The following CDH2 variants were observed in gnomAD, a reference collection of about 807,000 sequenced individuals.
CDH2 encodes cadherin-2.
Under a neutral mutation model 92.0 loss-of-function variants are expected in CDH2, and 17 were observed. The observed-to-expected ratio is 0.18, with a 90% confidence interval of 0.13 to 0.28. The LOEUF (loss-of-function observed/expected upper bound fraction) is 0.28. CDH2 is among the 10% of genes least tolerant of loss of function. CDH2 has a pLI of 1.00. For synonymous variants in CDH2, 419 were observed against 415.9 expected (o/e 1.01, Z -0.09); for missense variants, 862 against 1,133.1 (o/e 0.76, Z 3.44).
intron 2 of CDH2, among the ~76,000 whole-genome samples, chr18:28,029,816 A>G (rs2013648380): frequency 6.6e-6 from 1 of 152,058 alleles, no homozygotes; most frequent in Non-Finnish European, 1.5e-5. Flanking sequence ...AAATGCTGCT[A>G]CACACTCTTA....
chr18:27,972,295 A>T (rs2011684815), intron 14 of CDH2, among the ~76,000 whole-genome samples: 1 of 152,198 alleles, frequency 6.6e-6, no homozygotes, highest in Non-Finnish European at 1.5e-5. Context: ...ACCAGTGGTC[A>T]TCTAATAAGC....
chr18:28,133,300 C>T (rs2015803227), intron 2 of CDH2, among the ~76,000 whole-genome samples: 1 of 152,042 alleles, frequency 6.6e-6, no homozygotes, highest in Non-Finnish European at 1.5e-5. Flanking sequence ...AAGAACTTGG[C>T]CGGCCGGGCG....
intron 1 of CDH2, among the ~76,000 whole-genome samples, chr18:28,164,411 T>C (rs572372587): frequency 2.6e-5 from 4 of 152,216 alleles, no homozygotes; most frequent in African/African-American, 7.2e-5. Context: ...ACTAAAAAAA[T>C]GAAAAGCTAC....
intron 2 of CDH2, among the ~76,000 whole-genome samples, chr18:28,043,890 A>ATTTTTTTTTTTTTTTTTTTTT (rs67532914): frequency 5.5e-5 from 5 of 91,454 alleles, no homozygotes; most frequent in Non-Finnish European, 8.7e-5. Flanking sequence ...AGAATCTCGG[A>ATTTTTTTTTTTTTTTTTTTTT]TTTTTTTTTT....
intron 2 of CDH2, among the ~76,000 whole-genome samples, chr18:28,058,335 CAGAG>C (rs944575245): frequency 6.6e-6 from 1 of 152,122 alleles, no homozygotes; most frequent in Non-Finnish European, 1.5e-5. Context: ...CAGAGAGAGA[CAGAG>C]AGAGAGACTG....
intron 13 of CDH2, among the ~76,000 whole-genome samples, chr18:27,983,835 C>T (rs906380525): frequency 1.1e-4 from 16 of 152,308 alleles, no homozygotes; most frequent in Admixed American, 3.3e-4. Flanking sequence ...ATAACATTGG[C>T]ATCTATGCCA....
chr18:28,097,788 T>G (rs2015161447), intron 2 of CDH2, among the ~76,000 whole-genome samples: 1 of 152,176 alleles, frequency 6.6e-6, no homozygotes, highest in Non-Finnish European at 1.5e-5. Context: ...CATTGCTACT[T>G]AAATGCATTA....
intron 2 of CDH2, among the ~76,000 whole-genome samples, chr18:28,137,128 G>C (rs1291919783): frequency 1.3e-5 from 2 of 152,146 alleles, no homozygotes; most frequent in African/African-American, 4.8e-5. Flanking sequence ...AATCTGATGA[G>C]TCCATATGTT....
chr18:28,138,557 ATTGT>A (rs888434104), intron 2 of CDH2, among the ~76,000 whole-genome samples: 1 of 152,078 alleles, frequency 6.6e-6, no homozygotes, highest in Non-Finnish European at 1.5e-5. Context: ...CACTGAAGAA[ATTGT>A]TTGATGTTTA....
At chr18:28,069,307 G>A (rs1309908647) in intron 2 of CDH2, among the ~76,000 whole-genome samples, 1 of 152,086 alleles carries the variant, frequency 6.6e-6, no homozygotes, top group Non-Finnish European at 1.5e-5. Flanking sequence ...AATCTAAAAA[G>A]GTCTATATGA....
intron 2 of CDH2, among the ~76,000 whole-genome samples, chr18:28,118,681 A>G (rs1423383246): frequency 6.6e-6 from 1 of 151,994 alleles, no homozygotes; most frequent in Non-Finnish European, 1.5e-5. Context: ...TTTAAGAATA[A>G]AAACAAAATA....
chr18:28,123,930 T>C (rs185888954), intron 2 of CDH2, among the ~76,000 whole-genome samples: 1 of 152,264 alleles, frequency 6.6e-6, no homozygotes, highest in East Asian at 1.9e-4. Flanking sequence ...AGTTACAGGA[T>C]GGCGGGAGGT....
chr18:28,003,027 G>T lies in CDH2; in HGVS notation c.990C>A (p.Ile330=), dbSNP rs1244259562. The T allele has an allele frequency of 2.5e-6, 4 of 1,614,014 alleles. No individual in the cohort carries two copies. In the East Asian group the frequency reaches 6.7e-5, roughly 27 times the overall value. The change falls in exon 7 of 16, where the codon ATC becomes ATA. Residue 330 remains isoleucine, a synonymous_variant. Coordinates refer to ENST00000269141, the MANE Select transcript of CDH2 (RefSeq NM_001792.5). ...MFTINNETGD[I]ITVAAGLDRE... ...GATCAAGTCCAGCTGCCACTGTGAT[G>T]ATGTCACCAGTCTCATTGTTGATTG...
chr18:28,165,408 T>C (rs773095139), intron 1 of CDH2, among the ~76,000 whole-genome samples: 2 of 152,120 alleles, frequency 1.3e-5, no homozygotes, highest in Non-Finnish European at 2.9e-5. Context: ...CCCAGGTTGT[T>C]CTCAAAGTCC....
chr18:28,157,101 G>C (rs201380820), intron 1 of CDH2, among the ~76,000 whole-genome samples: 1 of 152,302 alleles, frequency 6.6e-6, no homozygotes, highest in East Asian at 1.9e-4. Context: ...ACTATCATTA[G>C]ATAATGGCCC....
At chr18:28,032,877 C>T (rs2013732862) in intron 2 of CDH2, among the ~76,000 whole-genome samples, 1 of 152,036 alleles carries the variant, frequency 6.6e-6, no homozygotes, top group Non-Finnish European at 1.5e-5. Context: ...AAATGAACTA[C>T]ATGATTCCTA....
At chr18:28,168,014 A>G (rs2016411497) in intron 1 of CDH2, among the ~76,000 whole-genome samples, 1 of 152,208 alleles carries the variant, frequency 6.6e-6, no homozygotes, top group African/African-American at 2.4e-5. Flanking sequence ...AGGAAAAATA[A>G]TAACAAAGTG....
intron 1 of CDH2, among the ~76,000 whole-genome samples, chr18:28,158,390 G>A (rs568055199): frequency 3.3e-5 from 5 of 152,290 alleles, no homozygotes; most frequent in South Asian, 2.1e-4. Context: ...AGCTAATATC[G>A]TCAGTTCCAG....
chr18:28,134,582 T>C (rs562443483), intron 2 of CDH2, among the ~76,000 whole-genome samples: 4 of 151,862 alleles, frequency 2.6e-5, no homozygotes, highest in African/African-American at 4.8e-5. Flanking sequence ...TGGTGGTGCA[T>C]GCCTGTAGTC....
Sources: allele counts gnomAD v4.1 joint callset (sites outside exome capture counted in the v4.1 genomes callset), GRCh38; gene constraint gnomAD v4.1.1; transcripts MANE v1.5; gene names NCBI Gene and HGNC (gene_info 2026-07-23, HGNC 2026-07-21).